The following KLF13 variants were observed in gnomAD, a reference collection of about 807,000 sequenced individuals.
KLF13 encodes KLF transcription factor 13, also known as Krueppel-like factor 13.
KLF13 carries 8 observed loss-of-function variants against 16.7 expected under a neutral mutation model. The observed-to-expected ratio is 0.48, with a 90% CI of 0.28 to 0.87. KLF13 has a LOEUF of 0.87. Ranked by LOEUF, KLF13 falls within the 40% of genes least tolerant of loss-of-function variation. The pLI is 0.10. For missense variants in KLF13, 447 were observed against 452.2 expected, an observed-to-expected ratio of 0.99 and a Z score of 0.10; for synonymous variants, 245 against 208.4, an observed-to-expected ratio of 1.18 and a Z score of -1.51.
chr15:31,425,921 C>T (rs139954736), intron 1 of KLF13, among the ~76,000 whole-genome samples: 1 of 152,194 alleles, frequency 6.6e-6, no homozygotes, highest in South Asian at 2.1e-4. Flanking sequence ...ACCCAAGTCA[C>T]CTCTTGAATG....
intron 1 of KLF13, among the ~76,000 whole-genome samples, chr15:31,352,407 G>A (rs2039230874): frequency 6.6e-6 from 1 of 152,264 alleles, no homozygotes; most frequent in Admixed American, 6.5e-5. Context: ...CCGTACCAGT[G>A]AGAAAGGACA....
chr15:31,404,416 C>T (rs979511387), exon 3 of KLF13: 5 of 152,182 alleles, frequency 3.3e-5, no homozygotes, highest in African/African-American at 1.2e-4. Context: ...AATCAGCACT[C>T]TGTAGATAGG....
chr15:31,426,776 A>C (rs986674600), intron 1 of KLF13, among the ~76,000 whole-genome samples: 4 of 152,232 alleles, frequency 2.6e-5, no homozygotes, highest in Admixed American at 6.5e-5. Flanking sequence ...GGGTGTTTCC[A>C]GAGGAGATTG....
At chr15:31,405,173 G>A (rs759144671), downstream of KLF13, among the ~76,000 whole-genome samples, 1 of 152,160 alleles carries the variant, frequency 6.6e-6, no homozygotes, top group Non-Finnish European at 1.5e-5. Flanking sequence ...ACAAGAGCCT[G>A]CGTAGTGGTG....
At chr15:31,408,480 C>T (rs755935811), downstream of KLF13, among the ~76,000 whole-genome samples, 10 of 152,120 alleles carry the variant, frequency 6.6e-5, no homozygotes, top group Non-Finnish European at 1.3e-4. Flanking sequence ...AGCCCCCATT[C>T]TAAACACAAG....
chr15:31,382,072 G>A (rs1388554613), downstream of KLF13, among the ~76,000 whole-genome samples: 11 of 152,214 alleles, frequency 7.2e-5, no homozygotes, highest in Admixed American at 7.2e-4. Flanking sequence ...TGTGCGAGAT[G>A]TCAGATGCTG....
chr15:31,397,723 T>G (rs2039973051), intron 2 of KLF13, among the ~76,000 whole-genome samples: 1 of 152,184 alleles, frequency 6.6e-6, no homozygotes, highest in East Asian at 1.9e-4. Context: ...TTATTATTAT[T>G]ATGTTATTTT....
rs546658931 is a variant in KLF13 at position 31,432,210 on chromosome 15, A to AT, written n.118-3152dup. ...GCTGGAAGGGGAAGTGAAGTTGAGA[A>AT]TTTTTTTTCCTGGAGCTCTTGCACT... is the stretch of plus-strand genomic sequence containing the variant. On this transcript the variant is annotated intron_variant and non_coding_transcript_variant, in intron 1 of 1. Coordinates refer to the KLF13 transcript ENST00000558225. Among the ~76,000 whole-genome samples the AT allele has an allele frequency of 7.2e-5, 11 of 151,808 alleles. 1 individual carries two copies. The highest frequency in any genetic ancestry group is 1.3e-4 in the Admixed American group (2 of 15,246).
At chr15:31,390,529 C>A (rs1165839721), upstream of KLF13, among the ~76,000 whole-genome samples, 1 of 152,178 alleles carries the variant, frequency 6.6e-6, no homozygotes, top group African/African-American at 2.4e-5. Context: ...TTTATTTTTA[C>A]CATCTTCGAA....
intron 1 of KLF13, among the ~76,000 whole-genome samples, chr15:31,337,745 C>G (rs116901278): frequency 6.6e-6 from 1 of 152,104 alleles, no homozygotes; most frequent in Non-Finnish European, 1.5e-5. Flanking sequence ...AATGGGGTGT[C>G]GTCTTATGGG....
chr15:31,328,761 T>G (rs985609856), intron 1 of KLF13, among the ~76,000 whole-genome samples: 1 of 152,208 alleles, frequency 6.6e-6, no homozygotes, highest in Non-Finnish European at 1.5e-5. Context: ...TGTTTCGTTT[T>G]TAACATAAAG....
At chr15:31,386,448 G>A (rs1421072869) in intron 1 of KLF13, among the ~76,000 whole-genome samples, 6 of 152,144 alleles carry the variant, frequency 3.9e-5, no homozygotes, top group African/African-American at 1.2e-4. Flanking sequence ...GCAGTGAGCC[G>A]AGATCGTGCC....
rs569777739 is a variant in KLF13 at position 31,401,493 on chromosome 15, G to A, written n.530-1935G>A. ...GCTTTGAGGGGAGCAGGGGTCAAGG[G>A]TGTGCCTAAGGCTTGCATCCCGCCC... On this transcript the variant is annotated intron_variant and non_coding_transcript_variant, in intron 2 of 2. Coordinates refer to the KLF13 transcript ENST00000500533. 4.6e-5 allele frequency among the ~76,000 whole-genome samples: 7 copies of A among 152,342 alleles called. No individual in the cohort carries two copies. The East Asian group carries it at 1.4e-3, about 29-fold the overall frequency.
chr15:31,426,620 A>G (rs967604282), intron 1 of KLF13, among the ~76,000 whole-genome samples: 2 of 152,246 alleles, frequency 1.3e-5, no homozygotes, highest in African/African-American at 4.8e-5. Context: ...ATAAAAACGC[A>G]TAACCTGATT....
chr15:31,388,765 C>CAAAAAAAAAAA (rs11310230), upstream of KLF13, among the ~76,000 whole-genome samples: 1 of 106,220 alleles, frequency 9.4e-6, no homozygotes, highest in African/African-American at 3.9e-5. Context: ...TAAAAAATCC[C>CAAAAAAAAAAA]AAAAAAAAAA....
downstream of KLF13, among the ~76,000 whole-genome samples, chr15:31,407,056 C>T (rs1297414635): frequency 6.6e-6 from 1 of 152,186 alleles, no homozygotes; most frequent in East Asian, 1.9e-4. Flanking sequence ...GATGTGACAT[C>T]TTTGGTGCAC....
chr15:31,432,904 C>T (rs2040490539), intron 1 of KLF13, among the ~76,000 whole-genome samples: 1 of 152,064 alleles, frequency 6.6e-6, no homozygotes, highest in Non-Finnish European at 1.5e-5. Flanking sequence ...AACTTGAGGC[C>T]AGGAGTTCAA....
intron 1 of KLF13, among the ~76,000 whole-genome samples, chr15:31,423,911 C>T (rs2040372992): frequency 6.6e-6 from 1 of 152,034 alleles, no homozygotes; most frequent in African/African-American, 2.4e-5. Flanking sequence ...TCTTGAACAA[C>T]TAATAGATCA....
rs536979815 is a variant in KLF13, at chr15:31,383,647, TC to T, written n.224-51720del. ...CGGGCGCGGTGGCTCACGCCTATAATCCCAGCACTTTGGGAGGCCAAGGCGG... is the reference window on the plus strand; with the variant it reads ...CGGGCGCGGTGGCTCACGCCTATAATCCAGCACTTTGGGAGGCCAAGGCGG... On this transcript the variant is annotated intron_variant and non_coding_transcript_variant, in intron 1 of 1. Transcript: ENST00000558921. Among the ~76,000 whole-genome samples the T allele has an allele frequency of 3.7e-3, 563 of 152,326 alleles. 4 individuals carry two copies. The highest frequency in any genetic ancestry group is 0.011 in the South Asian group (51 of 4,832).
Sources: gnomAD v4.1 joint callset for allele counts (sites outside exome capture counted in the v4.1 genomes callset) on GRCh38, gnomAD v4.1.1 for gene constraint, MANE v1.5 for transcripts, NCBI Gene and HGNC (gene_info 2026-07-23, HGNC 2026-07-21) for gene names.